SMG6: variants seen among roughly 807,000 people sequenced by gnomAD.
SMG6 encodes SMG6 nonsense mediated mRNA decay factor.
Under a neutral mutation model 142.2 loss-of-function variants are expected in SMG6, and 66 were observed. The observed-to-expected ratio is 0.46, with a 90% CI of 0.38 to 0.57. The LOEUF is 0.57. Among genes scored for constraint, SMG6 ranks in the 20% least tolerant of loss-of-function variants. SMG6 has a pLI of 0.00. For missense variants in SMG6, 1,793 were observed against 1,832.0 expected, an observed-to-expected ratio of 0.98 and a Z score of 0.39; for synonymous variants, 779 against 702.4, an observed-to-expected ratio of 1.11 and a Z score of -1.72.
chr17:2,267,589 G>A (rs1337835453), intron 8 of SMG6, among the ~76,000 whole-genome samples: 4 of 151,902 alleles, frequency 2.6e-5, no homozygotes, highest in African/African-American at 9.7e-5. Flanking sequence ...TGAAATAACT[G>A]GGTTATCACA....
intron 10 of SMG6, among the ~76,000 whole-genome samples, chr17:2,211,053 C>A (rs140931453): frequency 6.1e-5 from 9 of 148,644 alleles, no homozygotes; most frequent in African/African-American, 2.2e-4. Flanking sequence ...TCAGTCAAAC[C>A]GATGGACTTT....
At chr17:2,091,939 A>C (rs190201839) in intron 13 of SMG6, among the ~76,000 whole-genome samples, 4,108 of 150,512 alleles carry the variant, frequency 0.027, 85 homozygotes, top group East Asian at 0.053. Flanking sequence ...GCCTTGGCCA[A>C]CCAAAGTGCT....
chr17:2,229,618 G>A (rs1462357358), intron 10 of SMG6, among the ~76,000 whole-genome samples: 2 of 152,182 alleles, frequency 1.3e-5, no homozygotes, highest in Non-Finnish European at 2.9e-5. Context: ...AAACACATAT[G>A]CAGTAACTAT....
intron 9 of SMG6, among the ~76,000 whole-genome samples, chr17:2,239,494 T>G (rs2073750040): frequency 6.6e-6 from 1 of 152,168 alleles, no homozygotes; most frequent in Non-Finnish European, 1.5e-5. Flanking sequence ...TTTTTTTAAG[T>G]TGTATTACAT....
At chr17:2,200,482 G>GT (rs776202594) in intron 10 of SMG6, among the ~76,000 whole-genome samples, 37 of 150,710 alleles carry the variant, frequency 2.5e-4, no homozygotes, top group Non-Finnish European at 4.0e-4. Context: ...TACATTGGGT[G>GT]TATCTCCTAA....
chr17:2,157,240 G>A (rs1290743883), intron 13 of SMG6, among the ~76,000 whole-genome samples: 1 of 152,196 alleles, frequency 6.6e-6, no homozygotes, highest in South Asian at 2.1e-4. Context: ...CAATATGCCT[G>A]AGACTCCCAG....
intron 8 of SMG6, among the ~76,000 whole-genome samples, chr17:2,247,916 A>C (rs1460725912): frequency 6.6e-6 from 1 of 151,962 alleles, no homozygotes; most frequent in Non-Finnish European, 1.5e-5. Flanking sequence ...ATATGGTGAA[A>C]CCCAGTATCT....
At chr17:2,095,611 G>C (rs2068835548) in intron 13 of SMG6, among the ~76,000 whole-genome samples, 1 of 152,068 alleles carries the variant, frequency 6.6e-6, no homozygotes. Context: ...TACATCAACA[G>C]ACCCCCTGCA....
rs1051094431 is a variant in SMG6 at position 2,255,433 on chromosome 17, T to A, written c.2662-10714A>T. Among the ~76,000 whole-genome samples, 143 of 98,834 alleles carry A rather than the reference T, an allele frequency of 1.4e-3. 4 individuals carry two copies. Among genetic ancestry groups the A allele is most frequent in the Middle Eastern group, 6.3e-3 (1 of 160 alleles). The allele number at this position is 98,834 out of a possible 152,430, so 64.8% of individuals were successfully genotyped here. On this transcript the variant is annotated intron_variant, in intron 8 of 18. Transcript: ENST00000263073. ...AAAAAAAAAAAAAAAAAAAAAAGAA[T>A]GTGATCTTCATTAAAGCCACTGAAG...
chr17:2,201,431 C>T (rs2072517829), intron 10 of SMG6, among the ~76,000 whole-genome samples: 1 of 152,182 alleles, frequency 6.6e-6, no homozygotes, highest in Non-Finnish European at 1.5e-5. Context: ...CAGTGACTCA[C>T]ACCTGTAACC....
chr17:2,131,982 G>A (rs879584651), intron 13 of SMG6, among the ~76,000 whole-genome samples: 17 of 151,982 alleles, frequency 1.1e-4, no homozygotes, highest in South Asian at 2.1e-4. Flanking sequence ...TGAGGCAGGC[G>A]AATCCCTTCA....
intron 13 of SMG6, among the ~76,000 whole-genome samples, chr17:2,115,359 T>C (rs1034799933): frequency 1.3e-5 from 2 of 152,064 alleles, no homozygotes; most frequent in Non-Finnish European, 2.9e-5. Context: ...TATAAAAAAG[T>C]ATTGCAGTTC....
intron 8 of SMG6, among the ~76,000 whole-genome samples, chr17:2,266,774 G>C (rs1323451885): frequency 6.6e-6 from 1 of 152,198 alleles, no homozygotes; most frequent in African/African-American, 2.4e-5. Flanking sequence ...AGGTAGGGCT[G>C]ATGTACTTTG....
At chr17:2,277,623 T>C (rs2074691455) in intron 8 of SMG6, among the ~76,000 whole-genome samples, 1 of 152,190 alleles carries the variant, frequency 6.6e-6, no homozygotes, top group African/African-American at 2.4e-5. Context: ...ATTGCATGAT[T>C]TTGCACAGCA....
In SMG6 at chr17:2,299,654, T is replaced by C. The variant is rs2075227763; in HGVS notation, c.1099A>G (p.Arg367Gly). The C allele has an allele frequency of 6.2e-7, 1 of 1,614,080 alleles. No individual in the cohort carries two copies. Among genetic ancestry groups the C allele is most frequent in the Admixed American group, 1.7e-5 (1 of 60,004 alleles). Residue 367 changes from arginine to glycine, a missense_variant, in exon 2 of 19, where the codon AGG becomes GGG. Arg to Gly is a moderately radical substitution (Grantham distance 125, BLOSUM62 -2). This residue lies in a region of SMG6 where 1,597 missense variants were observed against 1,584.6 expected (regional missense o/e 1.01). Transcript: ENST00000263073. The surrounding 1 kb of genome is among the most constrained non-coding windows in gnomAD (Gnocchi z 4.3). Reference sequence around the variant, plus strand: ...CTATCCATATCATCCCTGGCTGACCTCACCATGGGAGACTCTTTGTTCATG... The same window carrying C: ...CTATCCATATCATCCCTGGCTGACCCCACCATGGGAGACTCTTTGTTCATG... Reference protein sequence around the residue: ...EAMNKESPMVRSARDDMDRGK... With the variant: ...EAMNKESPMVGSARDDMDRGK...
At chr17:2,277,865 G>A (rs374329302) in intron 8 of SMG6, among the ~76,000 whole-genome samples, 47 of 152,124 alleles carry the variant, frequency 3.1e-4, no homozygotes, top group African/African-American at 1.1e-3. Context: ...AGCAACATAA[G>A]GAAATCCCAT....
chr17:2,068,728 G>A lies in SMG6; in HGVS notation c.3835+50C>T, dbSNP rs1412292797. 6.3e-7 allele frequency: 1 copy of A among 1,583,370 alleles called. No homozygotes were observed. Among genetic ancestry groups the A allele is most frequent in the African/African-American group, 1.3e-5 (1 of 74,576 alleles). ...CCCAGGCCGTGGGGCGTGTGTGGAG[G>A]GGGCTGCTGTGCACATGCAAGGCCG... On this transcript the variant is annotated intron_variant, in intron 16 of 18. Coordinates refer to ENST00000263073, the MANE Select transcript of SMG6 (RefSeq NM_017575.5). This position sits in a 1 kb window ranked among gnomAD's most constrained non-coding sequence, Gnocchi z 6.7.
intron 12 of SMG6, among the ~76,000 whole-genome samples, chr17:2,176,507 A>C (rs2071656240): frequency 6.6e-6 from 1 of 152,140 alleles, no homozygotes; most frequent in South Asian, 2.1e-4. Context: ...GTTCTGGTTC[A>C]ATGCATATTT....
chr17:2,170,695 G>A (rs1315843212), intron 13 of SMG6, among the ~76,000 whole-genome samples: 2 of 152,218 alleles, frequency 1.3e-5, no homozygotes, highest in Non-Finnish European at 2.9e-5. Context: ...TGATTCCCAA[G>A]ATGTAGTAGC....
Sources: allele counts gnomAD v4.1 joint callset (sites outside exome capture counted in the v4.1 genomes callset), GRCh38; gene constraint gnomAD v4.1.1; regional missense constraint gnomAD v4.1.1; non-coding constraint Gnocchi (gnomAD v3.1); transcripts MANE v1.5; gene names NCBI Gene and HGNC (gene_info 2026-07-23, HGNC 2026-07-21).